The following UTS2 variants were observed in gnomAD, a reference collection of about 807,000 sequenced individuals.
The protein encoded by UTS2 is urotensin-2.
A neutral mutation model predicts 12.6 loss-of-function variants in UTS2; 10 were observed. That is an observed-to-expected ratio of 0.80 (90% CI 0.49 to 1.35). The LOEUF (loss-of-function observed/expected upper bound fraction) is 1.35. Among genes scored for constraint, UTS2 ranks in the 40% most tolerant of loss-of-function variants. The pLI is 0.00. For missense variants in UTS2, 142 were observed against 143.2 expected (o/e 0.99, Z 0.04); for synonymous variants, 52 against 50.0 (o/e 1.04, Z -0.17).
At chr1:7,882,631 A>G in the UTS2 span, among the ~76,000 whole-genome samples, 4 of 152,218 alleles carry the variant, frequency 2.6e-5, no homozygotes, top group African/African-American at 7.2e-5. Context: ...GAGACAACCT[A>G]GAGAATGTAA....
At chr1:7,888,557 A>G in the UTS2 span, among the ~76,000 whole-genome samples, 1 of 152,080 alleles carries the variant, frequency 6.6e-6, no homozygotes, top group Non-Finnish European at 1.5e-5. Context: ...CAAGGTTTCC[A>G]TTGTCTGCAG....
At chr1:7,863,084 T>C in the UTS2 span, among the ~76,000 whole-genome samples, 1 of 117,928 alleles carries the variant, frequency 8.5e-6, no homozygotes, top group Non-Finnish European at 1.7e-5. Flanking sequence ...TATTGTATTG[T>C]ATTGTATTGT....
chr1:7,861,078 T>C, the UTS2 span, among the ~76,000 whole-genome samples: 1 of 148,074 alleles, frequency 6.8e-6, no homozygotes, highest in Admixed American at 6.7e-5. Flanking sequence ...CTCCAGCCTC[T>C]GTGAAGAGGT....
At chr1:7,850,483 ATTACT>A (rs950059449) in intron 2 of UTS2, among the ~76,000 whole-genome samples, 17 of 152,294 alleles carry the variant, frequency 1.1e-4, no homozygotes, top group Admixed American at 4.6e-4. Flanking sequence ...GTACAGAAAG[ATTACT>A]TTAAGTTTTC....
the UTS2 span, among the ~76,000 whole-genome samples, chr1:7,881,241 G>C: frequency 6.6e-6 from 1 of 152,172 alleles, no homozygotes; most frequent in African/African-American, 2.4e-5. Flanking sequence ...AGACAAGGAT[G>C]CTCACTTTTA....
chr1:7,864,177 C>A, the UTS2 span, among the ~76,000 whole-genome samples: 1 of 152,326 alleles, frequency 6.6e-6, no homozygotes, highest in South Asian at 2.1e-4. Flanking sequence ...TTAGTTCTCA[C>A]AGCTCTGGAG....
chr1:7,904,872 C>A, the UTS2 span, among the ~76,000 whole-genome samples: 1 of 136,958 alleles, frequency 7.3e-6, no homozygotes, highest in African/African-American at 2.8e-5. Context: ...CCACTGGACT[C>A]CAGCTTGGGT....
At chr1:7,874,956 G>A in the UTS2 span, among the ~76,000 whole-genome samples, 5 of 152,078 alleles carry the variant, frequency 3.3e-5, no homozygotes, top group African/African-American at 1.2e-4. Context: ...CGCCATGACT[G>A]TAAGTTTCCT....
the UTS2 span, among the ~76,000 whole-genome samples, chr1:7,863,028 G>A: frequency 3.1e-4 from 8 of 25,456 alleles, no homozygotes; most frequent in Admixed American, 4.3e-4. Flanking sequence ...GTATTGTATT[G>A]TATTGTATTG....
the UTS2 span, among the ~76,000 whole-genome samples, chr1:7,906,977 G>A: frequency 2.6e-5 from 4 of 152,266 alleles, no homozygotes; most frequent in Non-Finnish European, 4.4e-5. Flanking sequence ...TGGGCTGCAC[G>A]CAGTGGCTCA....
chr1:7,890,001 A>G, the UTS2 span, among the ~76,000 whole-genome samples: 1 of 151,870 alleles, frequency 6.6e-6, no homozygotes, highest in Non-Finnish European at 1.5e-5. Context: ...CGGGAGGCGG[A>G]TCTTGCAGTG....
At chr1:7,911,494 A>G in the UTS2 span, among the ~76,000 whole-genome samples, 1 of 152,154 alleles carries the variant, frequency 6.6e-6, no homozygotes, top group Admixed American at 6.6e-5. Flanking sequence ...GATTATGTAA[A>G]CTGCCTAAGG....
upstream of UTS2, chr1:7,853,107 C>A: frequency 6.7e-7 from 1 of 1,490,044 alleles, no homozygotes; most frequent in Non-Finnish European, 8.9e-7. Context: ...CATCCTATGA[C>A]CTGACATCAT....
At chr1:7,882,632 G>T in the UTS2 span, among the ~76,000 whole-genome samples, 66,037 of 152,038 alleles carry the variant, frequency 0.43, 14,905 homozygotes, top group South Asian at 0.51. Flanking sequence ...AGACAACCTA[G>T]AGAATGTAAG....
At chr1:7,872,889 G>A in the UTS2 span, among the ~76,000 whole-genome samples, 33,119 of 152,028 alleles carry the variant, frequency 0.22, 4,407 homozygotes, top group Middle Eastern at 0.35. Context: ...GAGAGGAGAC[G>A]TCAATCCCTG....
At chr1:7,863,047 T>TTGA in the UTS2 span, among the ~76,000 whole-genome samples, 2 of 37,024 alleles carry the variant, frequency 5.4e-5, no homozygotes, top group Admixed American at 2.9e-4. Context: ...TGTATTGTAT[T>TTGA]GTATTGTATT....
the UTS2 span, among the ~76,000 whole-genome samples, chr1:7,880,317 T>C: frequency 6.7e-6 from 1 of 149,500 alleles, no homozygotes; most frequent in Admixed American, 6.8e-5. Flanking sequence ...CTAAACCAAA[T>C]AGAGACTTAA....
the UTS2 span, among the ~76,000 whole-genome samples, chr1:7,874,926 C>T: frequency 1.3e-4 from 20 of 152,276 alleles, no homozygotes; most frequent in Non-Finnish European, 2.4e-4. Context: ...TGAAAATGTC[C>T]TTGCTTCCCC....
chr1:7,871,605 A>C, the UTS2 span, among the ~76,000 whole-genome samples: 1 of 152,094 alleles, frequency 6.6e-6, no homozygotes, highest in Admixed American at 6.6e-5. Flanking sequence ...GGTCTGTGGC[A>C]ACTGTGTATC....
Sources: allele counts gnomAD v4.1 joint callset (sites outside exome capture counted in the v4.1 genomes callset), GRCh38; gene constraint gnomAD v4.1.1; transcripts MANE v1.5; gene names NCBI Gene and HGNC (gene_info 2026-07-23, HGNC 2026-07-21).